FAT1: variants seen among roughly 807,000 people sequenced by gnomAD.
FAT1 encodes FAT atypical cadherin 1, also known as protocadherin Fat 1.
A neutral mutation model predicts 329.8 loss-of-function variants in FAT1; 171 were observed. The ratio of observed to expected loss-of-function variants is 0.52; its 90% CI spans 0.46 to 0.59. The LOEUF (loss-of-function observed/expected upper bound fraction) is 0.59. FAT1 is among the 20% of genes least tolerant of loss of function. The pLI, the probability that FAT1 is intolerant of heterozygous loss-of-function variation, is 0.00. For missense variants in FAT1, 5,672 were observed against 5,774.4 expected, an observed-to-expected ratio of 0.98 and a Z score of 0.57; for synonymous variants, 2,233 against 2,228.6, an observed-to-expected ratio of 1.00 and a Z score of -0.06.
intron 20 of FAT1, among the ~76,000 whole-genome samples, chr4:186,602,542 G>A (rs1292626871): frequency 2.6e-5 from 4 of 152,168 alleles, no homozygotes; most frequent in Non-Finnish European, 5.9e-5. Context: ...CCATACGAAA[G>A]GTGCTCTTTA....
At chr4:186,703,212 G>C (rs528567400) in intron 2 of FAT1, among the ~76,000 whole-genome samples, 1 of 152,252 alleles carries the variant, frequency 6.6e-6, no homozygotes, top group East Asian at 1.9e-4. Context: ...GCTTTCTCTC[G>C]CTGCAAAGCC....
intron 2 of FAT1, among the ~76,000 whole-genome samples, chr4:186,693,929 C>T (rs1743911196): frequency 1.3e-5 from 2 of 152,174 alleles, no homozygotes; most frequent in Admixed American, 6.5e-5. Context: ...ACTCAACCTG[C>T]CTCTCATCTA....
chr4:186,704,215 C>T (rs1322942508), intron 2 of FAT1, among the ~76,000 whole-genome samples: 3 of 152,136 alleles, frequency 2.0e-5, no homozygotes, highest in Non-Finnish European at 4.4e-5. Flanking sequence ...ATATACTTAC[C>T]AACCACACTG....
intron 9 of FAT1, among the ~76,000 whole-genome samples, chr4:186,626,194 C>G (rs687512): frequency 1.1e-5 from 1 of 90,924 alleles, no homozygotes; most frequent in Non-Finnish European, 2.3e-5. Context: ...CATGGCACCT[C>G]GCACATAAAC....
Position 186,617,921 on chromosome 4 carries a change from C to T in FAT1, c.8665G>A (p.Ala2889Thr), listed in dbSNP as rs2126489303. Residue 2889 changes from alanine to threonine, a missense_variant, in exon 10 of 27, where the codon GCA becomes ACA. Physicochemically the swap from Ala to Thr is moderately conservative, Grantham distance 58. Coordinates refer to ENST00000441802, the MANE Select transcript of FAT1 (RefSeq NM_005245.4). ...TGGATCTTTTCACCATGATCTGATG[C>T]AACCACTTTAATCTGGTAATTGTCT... Reference protein sequence around the residue: ...KRDNYQIKVVASDHGEKIQLS... With the variant: ...KRDNYQIKVVTSDHGEKIQLS... 6.2e-7 allele frequency: 1 copy of T among 1,614,012 alleles called. No individual in the cohort carries two copies. The highest frequency in any genetic ancestry group is 2.2e-5 in the East Asian group (1 of 44,882).
rs1560944064 is a variant in FAT1 at position 186,621,228 on chromosome 4, T to C, written c.5358A>G (p.Thr1786=). 2 of 1,613,928 alleles carry C rather than the reference T, an allele frequency of 1.2e-6. No homozygotes were observed. Among genetic ancestry groups the C allele is most frequent in the Non-Finnish European group, 8.5e-7 (1 of 1,179,900 alleles). Residue 1786 remains threonine (T), a synonymous_variant, in exon 10 of 27, where the codon ACA becomes ACG. Transcript: ENST00000441802. The part of the protein sequence containing the change: ...ESASINSVVL[T]DRNVPLVIRA... Reference sequence around the variant, plus strand: ...GAATCACCAGTGGGACATTCCTGTCTGTTAGGACCACGCTGTTAATTGAGG... The same window carrying C: ...GAATCACCAGTGGGACATTCCTGTCCGTTAGGACCACGCTGTTAATTGAGG...
Position 186,595,868 on chromosome 4 carries a change from C to T in FAT1, c.13001-42G>A, listed in dbSNP as rs190461283. 278 of 1,608,422 alleles carry T rather than the reference C, an allele frequency of 1.7e-4. 1 individual carries two copies. The East Asian group carries it at 4.2e-3, about 24-fold the overall frequency. On this transcript the variant is annotated intron_variant, in intron 25 of 26. Transcript: ENST00000441802. ...CAAACAGTAAGTATATGGGCCAAGA[C>T]GGTTTTGTTCACCGCTGAATCCTGA... is the stretch of plus-strand genomic sequence containing the variant.
In FAT1 at chr4:186,596,845, T is replaced by C. The variant is rs374888442; in HGVS notation, c.12695A>G (p.Tyr4232Cys). The stretch of plus-strand genomic sequence containing the variant: ...GTTCTTATTTAGCTTGGAATCAAAA[T>C]ACGGTCTTTGCAAGAAAGCCGTAGC... ...GPATAFLQRP[Y>C]FDSKLNKNIY... Residue 4232 changes from tyrosine (Y) to cysteine (C), a missense_variant, in exon 25 of 27, where the codon TAT becomes TGT. Around this residue, in one of 2 missense-constraint regions of FAT1, gnomAD observed 1,706 missense variants for 1,859.1 expected, o/e 0.92. Transcript: ENST00000441802. This position sits in a 1 kb window ranked among gnomAD's most constrained non-coding sequence, Gnocchi z 4.7. The C allele has an allele frequency of 2.4e-5, 38 of 1,614,010 alleles. No individual in the cohort carries two copies. In the East Asian group the frequency reaches 6.9e-4, roughly 29 times the overall value.
At chr4:186,683,816 T>C (rs1743337191) in intron 2 of FAT1, among the ~76,000 whole-genome samples, 2 of 152,154 alleles carry the variant, frequency 1.3e-5, no homozygotes, top group South Asian at 2.1e-4. Context: ...ATTAATCCTT[T>C]TGGGTATCAG....
Position 186,588,645 on chromosome 4 carries a change from A to C in FAT1, c.13714T>G (p.Phe4572Val). Residue 4572 changes from phenylalanine (F) to valine (V), a missense_variant, in exon 27 of 27, where the codon TTC (phenylalanine) becomes GTC (valine). Coordinates refer to ENST00000441802, the MANE Select transcript of FAT1 (RefSeq NM_005245.4). Reference sequence around the variant, plus strand: ...AGGGGCGGGATCGTCACCTCTTCGAAGTGGCCGTCGTCCCCGCTCTCATAG... The same window carrying C: ...AGGGGCGGGATCGTCACCTCTTCGACGTGGCCGTCGTCCCCGCTCTCATAG... Reference protein sequence around the residue: ...SDYESGDDGHFEEVTIPPLDS... With the variant: ...SDYESGDDGHVEEVTIPPLDS... The C allele has an allele frequency of 6.2e-7, 1 of 1,613,848 alleles. No individual in the cohort carries two copies. The highest frequency in any genetic ancestry group is 8.5e-7 in the Non-Finnish European group (1 of 1,179,854).
At position 186,588,949 on chromosome 4, in the gene FAT1, G is replaced by C; in HGVS notation, c.13410C>G (p.Ala4470=). 1 of 1,613,950 alleles carries C rather than the reference G, an allele frequency of 6.2e-7. No individual in the cohort carries two copies. ...ESIHPPRDMP[A]AGSLGSSSRN... is the part of the protein sequence containing the mutation. ...TTGATGAAGAACCCAAGCTACCCGCGGCAGGCATGTCTCTAGGAGGGTGGA... is the reference window on the plus strand; with the variant it reads ...TTGATGAAGAACCCAAGCTACCCGCCGCAGGCATGTCTCTAGGAGGGTGGA... The change falls in exon 27 of 27, where the codon GCC becomes GCG. Residue 4470 remains alanine (A), a synonymous_variant. Coordinates refer to ENST00000441802, the MANE Select transcript of FAT1 (RefSeq NM_005245.4).
rs944305411 is a variant in FAT1, at chr4:186,707,516, G to A, written c.2312C>T (p.Thr771Ile). 6.2e-7 allele frequency: 1 copy of A among 1,613,988 alleles called. No individual in the cohort carries two copies. The change falls in exon 2 of 27, where the codon ACA becomes ATA. Residue 771 changes from threonine to isoleucine, a missense_variant. Transcript: ENST00000441802. ...EDSCFMIDMETGMLKILSPLD... is the reference protein window; with the variant it reads ...EDSCFMIDMEIGMLKILSPLD... The stretch of plus-strand genomic sequence containing the variant: ...AGGAGATAAAATTTTCAGCATTCCT[G>A]TTTCCATATCAATCATGAAGCAACT...
intron 2 of FAT1, among the ~76,000 whole-genome samples, chr4:186,675,891 A>C (rs1284861961): frequency 6.6e-6 from 1 of 152,026 alleles, no homozygotes; most frequent in African/African-American, 2.4e-5. Flanking sequence ...ACTGGCTTGG[A>C]TCTTAATCTG....
Position 186,642,088 on chromosome 4 carries a change from A to G in FAT1, c.3581-2305T>C, listed in dbSNP as rs1399921383. ...GGGTCTGAAATTATTTGCATGTTCT[A>G]TACTCCTCAAATTAATTCTCCTCCG... On this transcript the variant is annotated intron_variant, in intron 3 of 26. Coordinates refer to ENST00000441802, the MANE Select transcript of FAT1 (RefSeq NM_005245.4). Among the ~76,000 whole-genome samples, 5 of 152,118 alleles carry G rather than the reference A, an allele frequency of 3.3e-5. No individual in the cohort carries two copies. In the East Asian group the frequency reaches 7.7e-4, roughly 24 times the overall value.
upstream of FAT1, among the ~76,000 whole-genome samples, chr4:186,726,145 T>C (rs540073012): frequency 4.5e-4 from 69 of 152,228 alleles, 1 homozygote; most frequent in Non-Finnish European, 8.7e-4. Context: ...CAGTGCTCTA[T>C]ATGTATTTTA....
At chr4:186,701,256 A>G (rs1178043075) in intron 2 of FAT1, among the ~76,000 whole-genome samples, 1 of 152,166 alleles carries the variant, frequency 6.6e-6, no homozygotes, top group Admixed American at 6.5e-5. Flanking sequence ...CCTGGTAGAA[A>G]TTGTTACCAC....
rs1739414377 is a variant in FAT1, at chr4:186,610,869, T to G, written c.9853+517A>C. Reference sequence around the variant, plus strand: ...AGCAGGAGTCAGCAGTTCCTATGCCTTTTGAGCTTGTTGGCGGTCTTTCCC... The same window carrying G: ...AGCAGGAGTCAGCAGTTCCTATGCCGTTTGAGCTTGTTGGCGGTCTTTCCC... On this transcript the variant is annotated intron_variant, in intron 14 of 26. Transcript: ENST00000441802. 2.6e-5 allele frequency among the ~76,000 whole-genome samples: 4 copies of G among 151,774 alleles called. No homozygotes were observed. In the South Asian group the frequency reaches 8.3e-4, roughly 32 times the overall value.
intron 2 of FAT1, among the ~76,000 whole-genome samples, chr4:186,688,565 G>T (rs1743590724): frequency 1.3e-5 from 2 of 152,138 alleles, no homozygotes; most frequent in South Asian, 4.2e-4. Context: ...CAGCTCGGAA[G>T]AAATGAAGGG....
intron 2 of FAT1, among the ~76,000 whole-genome samples, chr4:186,695,292 C>T (rs1268512462): frequency 6.6e-6 from 1 of 152,190 alleles, no homozygotes; most frequent in Non-Finnish European, 1.5e-5. Flanking sequence ...GGACACAACA[C>T]GTAACTCAGG....
Sources: allele counts gnomAD v4.1 joint callset (sites outside exome capture counted in the v4.1 genomes callset), GRCh38; gene constraint gnomAD v4.1.1; regional missense constraint gnomAD v4.1.1; non-coding constraint Gnocchi (gnomAD v3.1); transcripts MANE v1.5; gene names NCBI Gene and HGNC (gene_info 2026-07-23, HGNC 2026-07-21).